Variants in DBP observed in about 807,000 individuals in gnomAD.
The protein encoded by DBP is D-box binding PAR bZIP transcription factor, also known as D site-binding protein.
Under a neutral mutation model 21.4 loss-of-function variants are expected in DBP, and 12 were observed. That is an observed-to-expected ratio of 0.56 (90% CI 0.36 to 0.91). The LOEUF (loss-of-function observed/expected upper bound fraction) is 0.91, where lower values mean the gene tolerates loss of function less well. Ranked by LOEUF, DBP falls within the 40% of genes least tolerant of loss-of-function variation. DBP has a pLI of 0.01. For synonymous variants in DBP, 213 were observed against 224.9 expected, an observed-to-expected ratio of 0.95 and a Z score of 0.47; for missense variants, 423 against 473.4, an observed-to-expected ratio of 0.89 and a Z score of 0.99.
Position 48,630,903 on chromosome 19 carries a change from C to T in DBP, c.912G>A (p.Val304=), listed in dbSNP as rs148306408. The change falls in exon 4 of 4, where the codon GTG becomes GTA. Residue 304 remains valine, a synonymous_variant. Transcript: ENST00000222122. This position sits in a 1 kb window ranked among gnomAD's most constrained non-coding sequence, Gnocchi z 4.9. ...CGCGGTAGTGGGACAGCTCCTGGCGCACGGCCACAACTTCCTGCCGCAGCA... is the reference window on the plus strand; with the variant it reads ...CGCGGTAGTGGGACAGCTCCTGGCGTACGGCCACAACTTCCTGCCGCAGCA... ...NALLRQEVVA[V]RQELSHYRAV... 15,293 of 1,609,564 alleles carry T rather than the reference C, an allele frequency of 9.5e-3. 94 individuals carry two copies. The highest frequency in any genetic ancestry group is 0.019 in the Middle Eastern group (113 of 6,056).
intron 1 of DBP, 77 bp from the exon 2 acceptor site, chr19:48,636,067 G>C (rs893052038): frequency 1.5e-6 from 2 of 1,367,458 alleles, no homozygotes; most frequent in African/African-American, 1.5e-5. Context: ...CCGAGTCCGA[G>C]AGGCACAGGG....
In DBP at chr19:48,631,071, A is replaced by G. The variant is rs777022424; in HGVS notation, c.763-19T>C. Reference sequence around the variant, plus strand: ...TCTCATCCTGCAGGAGAAGAGGGGGAGAGCACTGAGGTCCAGAGGGACCCA... The same window carrying G: ...TCTCATCCTGCAGGAGAAGAGGGGGGGAGCACTGAGGTCCAGAGGGACCCA... On this transcript the variant is annotated intron_variant, in intron 3 of 3. Coordinates refer to ENST00000222122, the MANE Select transcript of DBP (RefSeq NM_001352.5). 1.2e-6 allele frequency: 2 copies of G among 1,605,370 alleles called. No individual in the cohort carries two copies. Among genetic ancestry groups the G allele is most frequent in the Non-Finnish European group, 1.7e-6 (2 of 1,175,156 alleles).
chr19:48,633,222 C>A (rs547348), intron 3 of DBP: 111,214 of 624,764 alleles, frequency 0.18, 11,640 homozygotes, highest in East Asian at 0.43. Context: ...GCTGGGATTA[C>A]ACGAGTGAGG....
intron 1 of DBP, 100 bp downstream of exon 1, chr19:48,636,756 A>G (rs1044184199): frequency 1.1e-5 from 15 of 1,380,476 alleles, no homozygotes; most frequent in Non-Finnish European, 1.5e-5. Context: ...GGGAAGATGG[A>G]CTCCCCGCAC....
chr19:48,631,070 G>GA lies in DBP; in HGVS notation c.763-19dup. ...TTCTCATCCTGCAGGAGAAGAGGGG[G>GA]AGAGCACTGAGGTCCAGAGGGACCC... On this transcript the variant is annotated intron_variant, in intron 3 of 3. Transcript: ENST00000222122. 1 of 1,606,798 alleles carries GA rather than the reference G, an allele frequency of 6.2e-7. No homozygotes were observed. Among genetic ancestry groups the GA allele is most frequent in the East Asian group, 2.2e-5 (1 of 44,732 alleles).
chr19:48,630,240 C>T lies in DBP; in HGVS notation c.*597G>A. On this transcript the variant is annotated 3_prime_UTR_variant, in exon 4 of 4. Transcript: ENST00000222122. The surrounding 1 kb of genome is among the most constrained non-coding windows in gnomAD (Gnocchi z 4.9). The stretch of plus-strand genomic sequence containing the variant: ...AGCTGGCCAATCAGCCCAGGAGGGG[C>T]AGGTTCCCCGGGGCCGGCGCTAGGA... 1 of 1,277,234 alleles carries T rather than the reference C, an allele frequency of 7.8e-7. No individual in the cohort carries two copies. Among genetic ancestry groups the T allele is most frequent in the Non-Finnish European group, 9.9e-7 (1 of 1,012,204 alleles). The allele number at this position is 1,277,234 out of a possible 1,614,324, so 79.1% of individuals were successfully genotyped here.
chr19:48,631,150 G>T, intron 3 of DBP, 98 bp from the exon 4 acceptor site: 1 of 1,058,276 alleles, frequency 9.4e-7, no homozygotes, highest in East Asian at 2.6e-5. Flanking sequence ...ACCACACCAG[G>T]TCTCTGCTGG....
chr19:48,637,207 G>A lies in DBP; in HGVS notation c.-213C>T. 2.3e-6 allele frequency: 1 copy of A among 435,928 alleles called. No individual in the cohort carries two copies. Among genetic ancestry groups the A allele is most frequent in the East Asian group, 3.5e-5 (1 of 28,174 alleles). The allele number at this position is 435,928 out of a possible 1,614,324, so 27.0% of individuals were successfully genotyped here. Reference sequence around the variant, plus strand: ...AAACGTGCAACTCAAGAGGGTCCCGGGAGATCATGCAATCTGGGCGAGGGG... The same window carrying A: ...AAACGTGCAACTCAAGAGGGTCCCGAGAGATCATGCAATCTGGGCGAGGGG... On this transcript the variant is annotated 5_prime_UTR_variant, in exon 1 of 4. Coordinates refer to ENST00000222122, the MANE Select transcript of DBP (RefSeq NM_001352.5).
At chr19:48,636,219 G>T (rs916987830) in intron 1 of DBP, among the ~76,000 whole-genome samples, 2 of 152,122 alleles carry the variant, frequency 1.3e-5, no homozygotes, top group Admixed American at 6.5e-5. Context: ...CAGAGATGGG[G>T]ACAGAATGCC....
Position 48,630,341 on chromosome 19 carries a change from C to T in DBP, c.*496G>A. 3.1e-6 allele frequency: 4 copies of T among 1,310,312 alleles called. No homozygotes were observed. The highest frequency in any genetic ancestry group is 7.4e-5 in the Admixed American group (2 of 27,202). 81.2% of individuals were successfully genotyped at this position (1,310,312 alleles called of 1,614,324 possible). On this transcript the variant is annotated 3_prime_UTR_variant, in exon 4 of 4. Transcript: ENST00000222122. The surrounding 1 kb of genome is among the most constrained non-coding windows in gnomAD (Gnocchi z 4.9). ...CCCTGTTCGTCTCATGCGCGTCCTCCGTCCCCAATCTAAAAAGCAATTGAA... is the reference window on the plus strand; with the variant it reads ...CCCTGTTCGTCTCATGCGCGTCCTCTGTCCCCAATCTAAAAAGCAATTGAA...
chr19:48,631,059 G>A lies in DBP; in HGVS notation c.763-7C>T, dbSNP rs1315622511. On this transcript the variant is annotated splice_region_variant and splice_polypyrimidine_tract_variant and intron_variant, in intron 3 of 3. Coordinates refer to ENST00000222122, the MANE Select transcript of DBP (RefSeq NM_001352.5). Reference sequence around the variant, plus strand: ...GGCTCCAGTATTTCTCATCCTGCAGGAGAAGAGGGGGAGAGCACTGAGGTC... The same window carrying A: ...GGCTCCAGTATTTCTCATCCTGCAGAAGAAGAGGGGGAGAGCACTGAGGTC... The A allele has an allele frequency of 6.2e-7, 1 of 1,610,716 alleles. No individual in the cohort carries two copies. Among genetic ancestry groups the A allele is most frequent in the Admixed American group, 1.7e-5 (1 of 59,790 alleles).
rs201722098 is a variant in DBP at position 48,633,398 on chromosome 19, G to T, written c.762+46C>A. The T allele has an allele frequency of 1.7e-4, 265 of 1,581,896 alleles. 3 individuals carry two copies. In the East Asian group the frequency reaches 5.8e-3, roughly 35 times the overall value. On this transcript the variant is annotated intron_variant, in intron 3 of 3. Coordinates refer to ENST00000222122, the MANE Select transcript of DBP (RefSeq NM_001352.5). ...AGAAAAGGCCCCTCCCTGGCTGTGG[G>T]GCATGTCTCCAGCCAAGTCTATCTC... is the stretch of plus-strand genomic sequence containing the variant.
chr19:48,633,745 G>C, intron 2 of DBP, 90 bp from the exon 3 acceptor site: 1 of 1,092,956 alleles, frequency 9.1e-7, no homozygotes, highest in Non-Finnish European at 1.4e-6. Flanking sequence ...TAGCCACATG[G>C]AAAGTCCTTC....
In DBP at chr19:48,633,606, C is replaced by T. The variant is rs2030677317; in HGVS notation, c.600G>A (p.Glu200=). The T allele has an allele frequency of 6.2e-7, 1 of 1,614,056 alleles. No homozygotes were observed. The highest frequency in any genetic ancestry group is 1.3e-5 in the African/African-American group (1 of 74,914). Residue 200 remains glutamate (E), a synonymous_variant, in exon 3 of 4, where the codon GAG becomes GAA. Coordinates refer to ENST00000222122, the MANE Select transcript of DBP (RefSeq NM_001352.5). Reference sequence around the variant, plus strand: ...GGTCGGGTTCAAAGGTCATCAACACCTCCACGGTGTCTGGGTCCACAGGGC... The same window carrying T: ...GGTCGGGTTCAAAGGTCATCAACACTTCCACGGTGTCTGGGTCCACAGGGC... The part of the protein sequence containing the change: ...TPSPVDPDTV[E]VLMTFEPDPA...
In DBP at chr19:48,630,229, C is replaced by T; in HGVS notation, c.*608G>A. 7 of 1,279,280 alleles carry T rather than the reference C, an allele frequency of 5.5e-6. No homozygotes were observed. The highest frequency in any genetic ancestry group is 6.9e-6 in the Non-Finnish European group (7 of 1,013,360). 79.2% of individuals were successfully genotyped at this position (1,279,280 alleles called of 1,614,324 possible). A position where few individuals can be genotyped will look rare whatever the true frequency, so the allele number is the denominator to read the frequency against. On this transcript the variant is annotated 3_prime_UTR_variant, in exon 4 of 4. Coordinates refer to ENST00000222122, the MANE Select transcript of DBP (RefSeq NM_001352.5). The surrounding 1 kb of genome is among the most constrained non-coding windows in gnomAD (Gnocchi z 4.9). ...TGCCTCCATTTAGCTGGCCAATCAG[C>T]CCAGGAGGGGCAGGTTCCCCGGGGC...
chr19:48,633,068 A>C (rs529762927), intron 3 of DBP: 1 of 443,450 alleles, frequency 2.3e-6, no homozygotes, highest in East Asian at 4.4e-5. Context: ...ATCTTGGCTC[A>C]CTGCAGCCTC....
intron 2 of DBP, chr19:48,634,640 GC>G (rs67000082): frequency 0.29 from 278,469 of 968,320 alleles, 49,078 homozygotes; most frequent in East Asian, 0.75. Flanking sequence ...CCCCGGCCCC[GC>G]CCCCCTCGCG....
chr19:48,633,812 T>G (rs574704480), intron 2 of DBP, 157 bp from the exon 3 acceptor site: 1 of 662,704 alleles, frequency 1.5e-6, no homozygotes, highest in Non-Finnish European at 2.6e-6. Context: ...AATATGAAGG[T>G]TCCCTTGGCC....
Position 48,630,866 on chromosome 19 carries a change from G to A in DBP, c.949C>T (p.Arg317Ter), listed in dbSNP as rs1304753154. Residue 317 changes from arginine to a stop codon, truncating the protein, a stop_gained, in exon 4 of 4, where the codon CGA becomes TGA. Transcript: ENST00000222122. LOFTEE classifies it high-confidence loss of function. The surrounding 1 kb of genome is among the most constrained non-coding windows in gnomAD (Gnocchi z 4.9). Reference protein sequence around the residue: ...ELSHYRAVLSRYQAQHGAL With the variant: ...ELSHYRAVLS Reference sequence around the variant, plus strand: ...AGGGCCCCGTGCTGGGCCTGGTATCGGGACAGCACGGCGCGGTAGTGGGAC... The same window carrying A: ...AGGGCCCCGTGCTGGGCCTGGTATCAGGACAGCACGGCGCGGTAGTGGGAC... 6.2e-7 allele frequency: 1 copy of A among 1,605,072 alleles called. No individual in the cohort carries two copies. Among genetic ancestry groups the A allele is most frequent in the Non-Finnish European group, 8.5e-7 (1 of 1,176,262 alleles).
Sources: allele counts gnomAD v4.1 joint callset (sites outside exome capture counted in the v4.1 genomes callset), GRCh38; gene constraint gnomAD v4.1.1; non-coding constraint Gnocchi (gnomAD v3.1); transcripts MANE v1.5; gene names NCBI Gene and HGNC (gene_info 2026-07-23, HGNC 2026-07-21).